Variants in RALGAPA2 observed in about 807,000 individuals in gnomAD.
The protein encoded by RALGAPA2 is ral GTPase-activating protein subunit alpha-2.
In RALGAPA2, 139 loss-of-function variants were observed where a neutral mutation model predicts 230.4. The ratio of observed to expected loss-of-function variants is 0.60; its 90% CI spans 0.53 to 0.69. RALGAPA2 has a LOEUF of 0.69. RALGAPA2 is among the 30% of genes least tolerant of loss of function. RALGAPA2 has a pLI of 0.00. For missense variants in RALGAPA2, 2,163 were observed against 2,276.0 expected (o/e 0.95, Z 1.01); for synonymous variants, 847 against 837.8 (o/e 1.01, Z -0.19).
chr20:20,539,680 A>C (rs931719176), intron 24 of RALGAPA2, among the ~76,000 whole-genome samples: 10 of 152,168 alleles, frequency 6.6e-5, no homozygotes, highest in Non-Finnish European at 1.5e-4. Flanking sequence ...AGTATTATTA[A>C]TTATAGTGAC....
At chr20:20,599,533 T>C (rs2065568967) in intron 16 of RALGAPA2, among the ~76,000 whole-genome samples, 1 of 152,214 alleles carries the variant, frequency 6.6e-6, no homozygotes, top group Non-Finnish European at 1.5e-5. Context: ...TCAGTTTTAT[T>C]CTAAAACAAA....
At chr20:20,445,632 AG>A (rs1251008190) in intron 37 of RALGAPA2, among the ~76,000 whole-genome samples, 1 of 152,246 alleles carries the variant, frequency 6.6e-6, no homozygotes, top group Non-Finnish European at 1.5e-5. Flanking sequence ...GGATGGGTAA[AG>A]GGATCTATAG....
At chr20:20,478,217 T>C (rs1402124037) in intron 36 of RALGAPA2, among the ~76,000 whole-genome samples, 1 of 152,182 alleles carries the variant, frequency 6.6e-6, no homozygotes, top group South Asian at 2.1e-4. Flanking sequence ...TTAAGCTAAC[T>C]GATAAAATAA....
In RALGAPA2 at chr20:20,577,141, T is replaced by C. The variant is rs1175523332; in HGVS notation, c.2708-4073A>G. Among the ~76,000 whole-genome samples, 4 of 152,208 alleles carry C rather than the reference T, an allele frequency of 2.6e-5. No individual in the cohort carries two copies. The East Asian group carries it at 7.7e-4, about 29-fold the overall frequency. On this transcript the variant is annotated intron_variant, in intron 20 of 39. Transcript: ENST00000202677. ...GGCAATTATCAGTCCCCACTGAGTG[T>C]CATCTCGAGTGTATATGTTGTTGGC... is the stretch of plus-strand genomic sequence containing the variant.
intron 38 of RALGAPA2, among the ~76,000 whole-genome samples, chr20:20,407,841 G>A (rs1223387004): frequency 6.6e-6 from 1 of 152,242 alleles, no homozygotes; most frequent in East Asian, 1.9e-4. Flanking sequence ...GTTTTGTGCA[G>A]TAGCAGGAAT....
intron 1 of RALGAPA2, among the ~76,000 whole-genome samples, chr20:20,682,254 A>C (rs1278121007): frequency 6.6e-6 from 1 of 152,194 alleles, no homozygotes; most frequent in Non-Finnish European, 1.5e-5. Context: ...GCAAGGAACA[A>C]ATTTACTGTG....
rs553043990 is a variant in RALGAPA2, at chr20:20,497,331, C to T, written c.5209-2056G>A. Among the ~76,000 whole-genome samples the T allele has an allele frequency of 7.2e-5, 11 of 152,172 alleles. No individual in the cohort carries two copies. The South Asian group carries it at 8.3e-4, about 11-fold the overall frequency. The stretch of plus-strand genomic sequence containing the variant: ...CAAGAACCTAATATAGGTATGTTTT[C>T]GGGGAAATATGAATAGTATCTAACT... On this transcript the variant is annotated intron_variant, in intron 35 of 39. Transcript: ENST00000202677.
rs888844939 is a variant in RALGAPA2 at position 20,640,648 on chromosome 20, C to T, written c.550+53G>A. On this transcript the variant is annotated intron_variant, in intron 6 of 39. Coordinates refer to ENST00000202677, the MANE Select transcript of RALGAPA2 (RefSeq NM_020343.4). ...AGAAAATGAAAAAGTAAGAATTCCTCAATGTAAGTTCAAGAGTAATTTCAA... is the reference window on the plus strand; with the variant it reads ...AGAAAATGAAAAAGTAAGAATTCCTTAATGTAAGTTCAAGAGTAATTTCAA... The T allele has an allele frequency of 2.1e-5, 31 of 1,489,814 alleles. No homozygotes were observed. The African/African-American group carries it at 3.0e-4, about 14-fold the overall frequency. 92.3% of individuals were successfully genotyped at this position (1,489,814 alleles called of 1,614,324 possible).
chr20:20,584,857 G>A lies in RALGAPA2; in HGVS notation c.2530+8C>T, dbSNP rs540592226. ...TAGTTGGAGGAACAGACATTTCCCG[G>A]AACTTACTCTTCTGTCTTTCCCTAC... On this transcript the variant is annotated splice_region_variant and intron_variant, in intron 19 of 39. Coordinates refer to ENST00000202677, the MANE Select transcript of RALGAPA2 (RefSeq NM_020343.4). 2.5e-6 allele frequency: 4 copies of A among 1,587,868 alleles called. No homozygotes were observed. Among genetic ancestry groups the A allele is most frequent in the Admixed American group, 3.4e-5 (2 of 59,700 alleles).
chr20:20,635,194 G>C (rs937818831), intron 9 of RALGAPA2, among the ~76,000 whole-genome samples: 1 of 152,138 alleles, frequency 6.6e-6, no homozygotes, highest in East Asian at 1.9e-4. Context: ...AATGGCTCCC[G>C]AGATTGCATC....
chr20:20,423,308 G>A (rs542131393), intron 37 of RALGAPA2, among the ~76,000 whole-genome samples: 1 of 152,212 alleles, frequency 6.6e-6, no homozygotes, highest in Admixed American at 6.5e-5. Context: ...CAGAGCTGAA[G>A]AGCTGAGTCA....
At chr20:20,656,050 G>A (rs2067580097) in intron 3 of RALGAPA2, among the ~76,000 whole-genome samples, 1 of 152,186 alleles carries the variant, frequency 6.6e-6, no homozygotes, top group Non-Finnish European at 1.5e-5. Context: ...AAATGGGTCT[G>A]GAGTACAGAG....
intron 33 of RALGAPA2, 107 bp downstream of exon 33, chr20:20,511,146 CT>C: frequency 6.7e-7 from 1 of 1,492,658 alleles, no homozygotes; most frequent in East Asian, 2.5e-5. Flanking sequence ...GGTTACAGAA[CT>C]ACCCTTGGAT....
chr20:20,406,710 A>C (rs530557402), intron 38 of RALGAPA2, among the ~76,000 whole-genome samples: 1 of 152,340 alleles, frequency 6.6e-6, no homozygotes, highest in Non-Finnish European at 1.5e-5. Flanking sequence ...CCAGGAGTTC[A>C]AGACCAGCCT....
chr20:20,458,957 A>G (rs1394452147), intron 37 of RALGAPA2, among the ~76,000 whole-genome samples: 1 of 150,456 alleles, frequency 6.6e-6, no homozygotes, highest in Non-Finnish European at 1.5e-5. Flanking sequence ...TTTCCTTCCA[A>G]ATGTCAACAG....
At chr20:20,510,203 C>T (rs943107794) in intron 33 of RALGAPA2, among the ~76,000 whole-genome samples, 3 of 152,026 alleles carry the variant, frequency 2.0e-5, no homozygotes, top group Non-Finnish European at 4.4e-5. Flanking sequence ...AGATGAGAAA[C>T]GTGACAGTGG....
intron 1 of RALGAPA2, among the ~76,000 whole-genome samples, chr20:20,705,946 C>T (rs779729170): frequency 2.0e-5 from 3 of 152,146 alleles, no homozygotes; most frequent in Admixed American, 6.5e-5. Context: ...GGATTATAGG[C>T]GTGAGCCACC....
At chr20:20,519,318 T>TTCATCCTCA (rs150618336) in intron 31 of RALGAPA2, among the ~76,000 whole-genome samples, 237 of 152,310 alleles carry the variant, frequency 1.6e-3, no homozygotes, top group African/African-American at 5.5e-3. Context: ...TCCTGTCTTT[T>TTCATCCTCA]TCATCCTCAT....
rs1410215205 is a variant in RALGAPA2, at chr20:20,639,879, A to T, written c.572T>A (p.Ile191Asn). The T allele has an allele frequency of 1.2e-6, 2 of 1,612,704 alleles. No homozygotes were observed. The highest frequency in any genetic ancestry group is 2.7e-5 in the African/African-American group (2 of 74,864). Residue 191 changes from isoleucine (I) to asparagine (N), a missense_variant, in exon 7 of 40, where the codon ATC becomes AAC. Transcript: ENST00000202677. ...VADVKIYPEEITPLLPAISGE... is the reference protein window; with the variant it reads ...VADVKIYPEENTPLLPAISGE... ...TGATATGGCTGGTAGGAGTGGAGTG[A>T]TTTCTTCTGGATATATCTTTACTGA...
Sources: gnomAD v4.1 joint callset for allele counts (sites outside exome capture counted in the v4.1 genomes callset) on GRCh38, gnomAD v4.1.1 for gene constraint, MANE v1.5 for transcripts, NCBI Gene and HGNC (gene_info 2026-07-23, HGNC 2026-07-21) for gene names.